Variants in GPAM observed in about 807,000 individuals in gnomAD.
GPAM encodes glycerol-3-phosphate acyltransferase 1, mitochondrial.
Under a neutral mutation model 105.0 loss-of-function variants are expected in GPAM, and 56 were observed. That is an observed-to-expected ratio of 0.53 (90% CI 0.43 to 0.67). The LOEUF is 0.67. Among genes scored for constraint, GPAM ranks in the 30% least tolerant of loss-of-function variants. GPAM has a pLI of 0.00. For missense variants in GPAM, 855 were observed against 989.8 expected, an observed-to-expected ratio of 0.86 and a Z score of 1.83; for synonymous variants, 368 against 354.4, an observed-to-expected ratio of 1.04 and a Z score of -0.43.
At chr10:112,170,020 T>C (rs1366715522) in intron 9 of GPAM, among the ~76,000 whole-genome samples, 2 of 152,218 alleles carry the variant, frequency 1.3e-5, no homozygotes, top group East Asian at 1.9e-4. Flanking sequence ...TTCTACATTA[T>C]GATGAGTTGT....
At chr10:112,204,158 T>C (rs78680254) in intron 1 of GPAM, among the ~76,000 whole-genome samples, 2,462 of 152,262 alleles carry the variant, frequency 0.016, 54 homozygotes, top group African/African-American at 0.057. Flanking sequence ...AGAAGGTCCC[T>C]TGTCCTCAAT....
intron 1 of GPAM, among the ~76,000 whole-genome samples, chr10:112,200,962 GCTGTGAATT>G (rs1427000644): frequency 1.5e-4 from 23 of 152,332 alleles, no homozygotes; most frequent in African/African-American, 5.5e-4. Context: ...TGGGAACTGA[GCTGTGAATT>G]CTGAGTGACC....
At chr10:112,193,237 G>A (rs1479727695) in intron 1 of GPAM, among the ~76,000 whole-genome samples, 1 of 152,154 alleles carries the variant, frequency 6.6e-6, no homozygotes, top group Non-Finnish European at 1.5e-5. Context: ...GCAAAGACAG[G>A]TGTTGACAGA....
At chr10:112,223,900 G>A in the GPAM span, among the ~76,000 whole-genome samples, 107 of 152,250 alleles carry the variant, frequency 7.0e-4, no homozygotes, top group African/African-American at 2.5e-3. Context: ...CTAGAGTCAT[G>A]GACGCTTATG....
rs964408923 is a variant in GPAM, at chr10:112,199,080, G to A, written n.210+16088C>T. Among the ~76,000 whole-genome samples, 7 of 143,396 alleles carry A rather than the reference G, an allele frequency of 4.9e-5. No homozygotes were observed. The South Asian group carries it at 7.1e-4, about 15-fold the overall frequency. 94.1% of individuals were successfully genotyped at this position (143,396 alleles called of 152,430 possible). On this transcript the variant is annotated intron_variant and non_coding_transcript_variant, in intron 1 of 3. Transcript: ENST00000480130. Reference sequence around the variant, plus strand: ...TGGGACTACAGACACACGCCGCCACGCCTGGCTAATGTGTGTGTGTGTGTG... The same window carrying A: ...TGGGACTACAGACACACGCCGCCACACCTGGCTAATGTGTGTGTGTGTGTG...
At chr10:112,163,953 G>A in intron 13 of GPAM, 137 bp from the exon 14 acceptor site, 1 of 684,056 alleles carries the variant, frequency 1.5e-6, no homozygotes, top group Non-Finnish European at 2.7e-6. Flanking sequence ...TTATTTCTAT[G>A]GCTTATTTTC....
chr10:112,196,427 C>T (rs1847725076), intron 1 of GPAM, among the ~76,000 whole-genome samples: 1 of 152,096 alleles, frequency 6.6e-6, no homozygotes, highest in South Asian at 2.1e-4. Flanking sequence ...CATATAAAAG[C>T]TCAAATATTT....
rs1437604811 is a variant in GPAM at position 112,168,325 on chromosome 10, T to C, written c.1094A>G (p.Asn365Ser). Reference sequence around the variant, plus strand: ...AGGTACCCTTACCAGTTGTTCACCATTGTAGTGACCTTCGATAATGCGATC... The same window carrying C: ...AGGTACCCTTACCAGTTGTTCACCACTGTAGTGACCTTCGATAATGCGATC... ...SYDRIIEGHYNGEQLGKPKKN... is the reference protein window; with the variant it reads ...SYDRIIEGHYSGEQLGKPKKN... Residue 365 changes from asparagine to serine, a missense_variant, in exon 11 of 22, where the codon AAT (asparagine) becomes AGT (serine). By Grantham distance (46) the Asn-to-Ser change is conservative. Coordinates refer to ENST00000348367, the MANE Select transcript of GPAM (RefSeq NM_001244949.2). 6.3e-6 allele frequency: 10 copies of C among 1,586,722 alleles called. No homozygotes were observed. The highest frequency in any genetic ancestry group is 1.1e-5 in the South Asian group (1 of 90,532).
chr10:112,163,654 A>T (rs1847163148), intron 14 of GPAM, 47 bp downstream of exon 14: 3 of 917,030 alleles, frequency 3.3e-6, no homozygotes, highest in Non-Finnish European at 5.5e-6. Context: ...GCACCATACC[A>T]TGATGAATCT....
rs1846952420 is a variant in GPAM at position 112,153,248 on chromosome 10, T to TA, written c.*301dup. 2.5e-6 allele frequency: 3 copies of TA among 1,204,898 alleles called. No homozygotes were observed. The African/African-American group carries it at 4.7e-5, about 19-fold the overall frequency. 74.6% of individuals were successfully genotyped at this position (1,204,898 alleles called of 1,614,324 possible). ...GTAATTAGTCCTTAAAAGTTGTACT[T>TA]AAAATGTCAATCTTTAATAAACTCA... On this transcript the variant is annotated 3_prime_UTR_variant, in exon 22 of 22. Coordinates refer to ENST00000348367, the MANE Select transcript of GPAM (RefSeq NM_001244949.2).
Position 112,157,409 on chromosome 10 carries a change from G to C in GPAM, c.1981-20C>G, listed in dbSNP as rs763960176. 2 of 1,611,816 alleles carry C rather than the reference G, an allele frequency of 1.2e-6. No homozygotes were observed. The highest frequency in any genetic ancestry group is 2.2e-5 in the South Asian group (2 of 91,004). ...ATCGTGCTAGGCCAAGGAGATGATG[G>C]ATAGTAAATAAATATGCACTGGCAC... is the stretch of plus-strand genomic sequence containing the variant. On this transcript the variant is annotated intron_variant, in intron 18 of 21. Transcript: ENST00000348367.
chr10:112,179,251 C>A lies in GPAM; in HGVS notation c.226-1194G>T, dbSNP rs117627054. Among the ~76,000 whole-genome samples, 1,104 of 152,286 alleles carry A rather than the reference C, an allele frequency of 7.2e-3. 2 individuals are homozygous for A. The highest frequency in any genetic ancestry group is 0.012 in the Non-Finnish European group (806 of 68,002). On this transcript the variant is annotated intron_variant, in intron 4 of 21. Coordinates refer to ENST00000348367, the MANE Select transcript of GPAM (RefSeq NM_001244949.2). ...AATCAATTGTCTGTTGTACTATCTACCTTTACCCTTTACTCCAAACCATTA... is the reference window on the plus strand; with the variant it reads ...AATCAATTGTCTGTTGTACTATCTAACTTTACCCTTTACTCCAAACCATTA...
Position 112,199,089 on chromosome 10 carries a change from A to ATGTGTGTGTGTGTGTGTGTG in GPAM, n.210+16059_210+16078dup, listed in dbSNP as rs34627276. 7.4e-5 allele frequency among the ~76,000 whole-genome samples: 10 copies of ATGTGTGTGTGTGTGTGTGTG among 134,974 alleles called. No individual in the cohort carries two copies. In the East Asian group the frequency reaches 8.9e-4, roughly 12 times the overall value. The allele number at this position is 134,974 out of a possible 152,430, so 88.5% of individuals were successfully genotyped here. On this transcript the variant is annotated intron_variant and non_coding_transcript_variant, in intron 1 of 3. Coordinates refer to the GPAM transcript ENST00000480130. ...AGACACACGCCGCCACGCCTGGCTA[A>ATGTGTGTGTGTGTGTGTGTG]TGTGTGTGTGTGTGTGTGTGTGTGT...
chr10:112,208,465 G>A (rs922869736), intron 1 of GPAM, among the ~76,000 whole-genome samples: 13 of 152,128 alleles, frequency 8.5e-5, no homozygotes, highest in South Asian at 2.1e-4. Context: ...AGCCTGAGAC[G>A]CCAAGAAAAC....
chr10:112,159,937 G>A lies in GPAM; in HGVS notation c.1876C>T (p.Leu626Phe). 1 of 1,613,938 alleles carries A rather than the reference G, an allele frequency of 6.2e-7. No homozygotes were observed. Among genetic ancestry groups the A allele is most frequent in the Non-Finnish European group, 8.5e-7 (1 of 1,179,874 alleles). The stretch of plus-strand genomic sequence containing the variant: ...AGTGAGATGGTGCCTTCATTGGAGA[G>A]AAGGTAGCACAGGCTGGCCGCCTTC... ...VRKAASLCYL[L>F]SNEGTISLPC... The change falls in exon 17 of 22, where the codon CTC becomes TTC. Residue 626 changes from leucine to phenylalanine, a missense_variant. Transcript: ENST00000348367.
rs1194902879 is a variant in GPAM at position 112,195,185 on chromosome 10, A to G, written n.211-12294T>C. Among the ~76,000 whole-genome samples, 129 of 152,248 alleles carry G rather than the reference A, an allele frequency of 8.5e-4. 1 individual carries two copies. The highest frequency in any genetic ancestry group is 3.4e-3 in the Middle Eastern group (1 of 294). The stretch of plus-strand genomic sequence containing the variant: ...ACATCAGCCAGCCTAAACATTTGAA[A>G]ATGCATCATGCCAAAATGCACCATG... On this transcript the variant is annotated intron_variant and non_coding_transcript_variant, in intron 1 of 3. Transcript: ENST00000480130.
chr10:112,185,689 C>T (rs562446361), upstream of GPAM, among the ~76,000 whole-genome samples: 3 of 151,768 alleles, frequency 2.0e-5, no homozygotes, highest in Admixed American at 1.3e-4. Context: ...AGGAGAATGG[C>T]GTGAACCCAG....
Position 112,153,575 on chromosome 10 carries a change from TA to T in GPAM, c.2461del (p.Tyr821IlefsTer3). ...PQCNRQKLLE[Y>X]ILSFVVL The stretch of plus-strand genomic sequence containing the variant: ...CTACAGCACCACAAAACTCAGAATA[TA>T]TTCTAGAAGTTTTTGTCGGTTGCAT... On this transcript the variant is annotated frameshift_variant, in exon 22 of 22. Coordinates refer to ENST00000348367, the MANE Select transcript of GPAM (RefSeq NM_001244949.2). LOFTEE classifies it high-confidence loss of function. 2 of 1,614,054 alleles carry T rather than the reference TA, an allele frequency of 1.2e-6. No individual in the cohort carries two copies. Among genetic ancestry groups the T allele is most frequent in the Non-Finnish European group, 1.7e-6 (2 of 1,179,940 alleles).
At chr10:112,181,450 T>C (rs1847506200) in intron 3 of GPAM, among the ~76,000 whole-genome samples, 1 of 152,166 alleles carries the variant, frequency 6.6e-6, no homozygotes, top group Non-Finnish European at 1.5e-5. Flanking sequence ...TTTTTTCCTA[T>C]GCAAAATGAT....
Sources: gnomAD v4.1 joint callset for allele counts (sites outside exome capture counted in the v4.1 genomes callset) on GRCh38, gnomAD v4.1.1 for gene constraint, MANE v1.5 for transcripts, NCBI Gene and HGNC (gene_info 2026-07-23, HGNC 2026-07-21) for gene names.